NCAPG2: variants seen among roughly 807,000 people sequenced by gnomAD.
NCAPG2 encodes the protein condensin-2 complex subunit G2.
A neutral mutation model predicts 141.1 loss-of-function variants in NCAPG2; 53 were observed. The ratio of observed to expected loss-of-function variants is 0.38; its 90% CI spans 0.30 to 0.47. The LOEUF (loss-of-function observed/expected upper bound fraction) is 0.47, where lower values mean the gene tolerates loss of function less well. Among genes scored for constraint, NCAPG2 ranks in the 20% least tolerant of loss-of-function variants. NCAPG2 has a pLI of 0.99. For missense variants in NCAPG2, 1,087 were observed against 1,389.0 expected, an observed-to-expected ratio of 0.78 and a Z score of 3.46; for synonymous variants, 499 against 490.7, an observed-to-expected ratio of 1.02 and a Z score of -0.22.
chr7:158,694,914 T>C (rs1835356226), intron 2 of NCAPG2, among the ~76,000 whole-genome samples: 1 of 152,140 alleles, frequency 6.6e-6, no homozygotes, highest in African/African-American at 2.4e-5. Context: ...CTTAAGCCTT[T>C]GCCTGTCAAT....
intron 27 of NCAPG2, chr7:158,640,372 C>T (rs978273842): frequency 2.0e-5 from 3 of 151,996 alleles, no homozygotes; most frequent in Admixed American, 6.6e-5. Flanking sequence ...CCTGTCTCCA[C>T]TAATACAAAA....
At chr7:158,702,939 C>T (rs1003058016) in intron 1 of NCAPG2, among the ~76,000 whole-genome samples, 4 of 152,190 alleles carry the variant, frequency 2.6e-5, no homozygotes, top group African/African-American at 9.7e-5. Flanking sequence ...CATGTATGAC[C>T]GTGGTCCCAT....
intron 27 of NCAPG2, among the ~76,000 whole-genome samples, chr7:158,643,396 T>C (rs1380555510): frequency 6.6e-6 from 1 of 152,164 alleles, no homozygotes; most frequent in Non-Finnish European, 1.5e-5. Flanking sequence ...TTTGTATTTT[T>C]AGTAGAGATG....
intron 24 of NCAPG2, 139 bp from the exon 25 acceptor site, chr7:158,646,702 T>C (rs1442914788): frequency 1.7e-6 from 1 of 596,942 alleles, no homozygotes; most frequent in Non-Finnish European, 2.9e-6. Flanking sequence ...ACTGTTGAAA[T>C]GTCTACAATA....
intron 8 of NCAPG2, among the ~76,000 whole-genome samples, chr7:158,684,246 A>G (rs1035255167): frequency 6.6e-6 from 1 of 152,244 alleles, no homozygotes; most frequent in Admixed American, 6.5e-5. Flanking sequence ...TTGTACCATA[A>G]AAGTTGAATC....
intron 15 of NCAPG2, 87 bp from the exon 16 acceptor site, chr7:158,662,454 C>T (rs1255969102): frequency 2.5e-6 from 3 of 1,209,086 alleles, no homozygotes; most frequent in Non-Finnish European, 3.4e-6. Flanking sequence ...AGCTCTAAAG[C>T]AAAAATGTAG....
intron 21 of NCAPG2, 194 bp from the exon 22 acceptor site, chr7:158,654,888 T>A: frequency 8.3e-7 from 1 of 1,210,018 alleles, no homozygotes; most frequent in South Asian, 1.8e-5. Context: ...ATATTTTATG[T>A]AATTCCACAA....
intron 25 of NCAPG2, 69 bp from the exon 26 acceptor site, chr7:158,645,688 C>T (rs1444570768): frequency 2.8e-6 from 4 of 1,423,862 alleles, no homozygotes; most frequent in African/African-American, 2.8e-5. Context: ...AGCAGAAGTA[C>T]AGCCAAGGTT....
rs1405435986 is a variant in NCAPG2 at position 158,633,135 on chromosome 7, G to A, written c.3381-1418C>T. Among the ~76,000 whole-genome samples the A allele has an allele frequency of 1.3e-5, 2 of 152,104 alleles. No individual in the cohort carries two copies. The highest frequency in any genetic ancestry group is 2.9e-5 in the Non-Finnish European group (2 of 68,018). On this transcript the variant is annotated intron_variant, in intron 27 of 27. Transcript: ENST00000356309. The surrounding 1 kb of genome is among the most constrained non-coding windows in gnomAD (Gnocchi z 4.1). ...ATCTGCATATATTTCTTTAAGCTCT[G>A]GGGAATTTTTTCCTATCGTTGTTGA...
At chr7:158,648,304 TA>T (rs899683839) in intron 24 of NCAPG2, among the ~76,000 whole-genome samples, 46 of 136,978 alleles carry the variant, frequency 3.4e-4, no homozygotes, top group Admixed American at 5.8e-4. Flanking sequence ...GAGAAATCAC[TA>T]AAAAAAAAAA....
intron 12 of NCAPG2, 94 bp from the exon 13 acceptor site, chr7:158,671,760 A>G: frequency 7.3e-7 from 1 of 1,362,056 alleles, no homozygotes; most frequent in Non-Finnish European, 1.0e-6. Flanking sequence ...ATTCGGTTCC[A>G]TCTTTATTAG....
At chr7:158,693,564 C>A (rs1835262296) in intron 2 of NCAPG2, 67 bp from the exon 3 acceptor site, 1 of 1,375,142 alleles carries the variant, frequency 7.3e-7, no homozygotes, top group South Asian at 1.3e-5. Context: ...TTCATAATGT[C>A]ATCAAAAGAA....
intron 27 of NCAPG2, among the ~76,000 whole-genome samples, chr7:158,634,902 A>G (rs1032137593): frequency 6.6e-6 from 1 of 152,246 alleles, no homozygotes; most frequent in East Asian, 1.9e-4. Context: ...CAAAAAGCTT[A>G]GACAAAAAGC....
rs1199773752 is a variant in NCAPG2, at chr7:158,680,149, A to G, written c.1021-64T>C. 4 of 1,504,822 alleles carry G rather than the reference A, an allele frequency of 2.7e-6. No individual in the cohort carries two copies. The Admixed American group carries it at 7.5e-5, about 28-fold the overall frequency. 93.2% of individuals were successfully genotyped at this position (1,504,822 alleles called of 1,614,324 possible). A position where few individuals can be genotyped will look rare whatever the true frequency, so the allele number is the denominator to read the frequency against. The stretch of plus-strand genomic sequence containing the variant: ...AGTTAACATACGAAGGCTTAAGTAC[A>G]GTGTTCCCAAAGTAACACTTTAATT... On this transcript the variant is annotated intron_variant, in intron 10 of 27. Coordinates refer to ENST00000356309, the MANE Select transcript of NCAPG2 (RefSeq NM_017760.7).
chr7:158,637,129 A>G (rs577294418), intron 27 of NCAPG2, among the ~76,000 whole-genome samples: 7 of 152,084 alleles, frequency 4.6e-5, no homozygotes, highest in Admixed American at 2.6e-4. Flanking sequence ...TTATATTTTT[A>G]GTAGAGACGG....
In NCAPG2 at chr7:158,697,373, A is replaced by C. The variant is rs145448542; in HGVS notation, c.79-3876T>G. ...TCCCAGCACTTTGGGAGGCCAAGGC[A>C]GGTGGATCACCTGAGATCAGGAGTT... On this transcript the variant is annotated intron_variant, in intron 2 of 27. Transcript: ENST00000356309. Among the ~76,000 whole-genome samples, 24 of 152,346 alleles carry C rather than the reference A, an allele frequency of 1.6e-4. 1 individual carries two copies. Among genetic ancestry groups the C allele is most frequent in the African/African-American group, 5.3e-4 (22 of 41,590 alleles).
intron 7 of NCAPG2, 95 bp from the exon 8 acceptor site, chr7:158,686,336 G>A (rs1834753111): frequency 1.4e-6 from 1 of 693,610 alleles, no homozygotes; most frequent in African/African-American, 1.9e-5. Flanking sequence ...TAGTGAAGAA[G>A]AAACTCAGTT....
chr7:158,704,138 G>C (rs1835995506), intron 1 of NCAPG2, among the ~76,000 whole-genome samples: 1 of 147,188 alleles, frequency 6.8e-6, no homozygotes, highest in Non-Finnish European at 1.5e-5. Context: ...TCTGAGGGCA[G>C]TGCCCATGCC....
In NCAPG2 at chr7:158,675,400, T is replaced by G. The variant is rs79309959; in HGVS notation, c.1326+77A>C. 363 of 1,332,062 alleles carry G rather than the reference T, an allele frequency of 2.7e-4. 6 individuals are homozygous for G. In the South Asian group the frequency reaches 3.6e-3, roughly 13 times the overall value. The allele number at this position is 1,332,062 out of a possible 1,614,324, so 82.5% of individuals were successfully genotyped here. A position where few individuals can be genotyped will look rare whatever the true frequency, so the allele number is the denominator to read the frequency against. On this transcript the variant is annotated intron_variant, in intron 12 of 27. Coordinates refer to ENST00000356309, the MANE Select transcript of NCAPG2 (RefSeq NM_017760.7). ...GTGGAGTAGGATTACAGGTATTATT[T>G]TAATCTTTTTCTTTTCCTGTTTTTC...
Sources: gnomAD v4.1 joint callset for allele counts (sites outside exome capture counted in the v4.1 genomes callset) on GRCh38, gnomAD v4.1.1 for gene constraint, Gnocchi (gnomAD v3.1) non-coding constraint, MANE v1.5 for transcripts, NCBI Gene and HGNC (gene_info 2026-07-23, HGNC 2026-07-21) for gene names.